GSE1: variants seen among roughly 807,000 people sequenced by gnomAD.
GSE1 encodes the protein genetic suppressor element 1.
A neutral mutation model predicts 112.6 loss-of-function variants in GSE1; 32 were observed. The observed-to-expected ratio is 0.28, with a 90% CI of 0.21 to 0.38. The LOEUF is 0.38. Ranked by LOEUF, GSE1 falls within the 10% of genes least tolerant of loss-of-function variation. The pLI is 1.00. For missense variants in GSE1, 2,348 were observed against 1,699.2 expected, an observed-to-expected ratio of 1.38 and a Z score of -6.71; for synonymous variants, 1,115 against 735.6, an observed-to-expected ratio of 1.52 and a Z score of -8.35.
chr16:85,374,149 G>A (rs2047362924), intron 2 of GSE1, among the ~76,000 whole-genome samples: 1 of 151,956 alleles, frequency 6.6e-6, no homozygotes, highest in South Asian at 2.1e-4. Context: ...GTGCGTGGTT[G>A]CATGTGGCCC....
intron 1 of GSE1, among the ~76,000 whole-genome samples, chr16:85,183,086 C>G (rs965816840): frequency 6.6e-6 from 1 of 152,208 alleles, no homozygotes; most frequent in Non-Finnish European, 1.5e-5. Context: ...CCCACACACT[C>G]ACATGCGTGC....
intron 1 of GSE1, among the ~76,000 whole-genome samples, chr16:85,279,474 A>G (rs557881386): frequency 6.7e-6 from 1 of 148,688 alleles, no homozygotes; most frequent in African/African-American, 2.4e-5. Context: ...AGGCATGGTG[A>G]TGTGTGCCTG....
Position 85,666,113 on chromosome 16 carries a change from C to G in GSE1, c.2896C>G (p.Leu966Val). ...CCAGGAGCTGTCGAGAGTCCAGGAG[C>G]TAGCTCCTGCCAGCGGGGAGAAGGC... is the stretch of plus-strand genomic sequence containing the variant. ...RPQELSRVQELAPASGEKARL... is the reference protein window; with the variant it reads ...RPQELSRVQEVAPASGEKARL... The change falls in exon 13 of 16, where the codon CTA becomes GTA. Residue 966 changes from leucine (L) to valine (V), a missense_variant. Transcript: ENST00000253458. 1 of 1,613,268 alleles carries G rather than the reference C, an allele frequency of 6.2e-7. No individual in the cohort carries two copies. The highest frequency in any genetic ancestry group is 8.5e-7 in the Non-Finnish European group (1 of 1,179,960).
At chr16:85,324,523 A>AG (rs1396291529) in intron 1 of GSE1, among the ~76,000 whole-genome samples, 1 of 152,016 alleles carries the variant, frequency 6.6e-6, no homozygotes, top group African/African-American at 2.4e-5. Context: ...AAAAAAAAAA[A>AG]AAAGAAAAAG....
chr16:85,574,847 G>T (rs1311998106), intron 1 of GSE1, among the ~76,000 whole-genome samples: 2 of 152,208 alleles, frequency 1.3e-5, no homozygotes, highest in South Asian at 4.1e-4. Flanking sequence ...ACCCTTGGGG[G>T]CTCCCTGCTG....
Position 85,654,283 on chromosome 16 carries a change from C to T in GSE1, c.432C>T (p.Ala144=), listed in dbSNP as rs139026945. 2.1e-5 allele frequency: 33 copies of T among 1,595,568 alleles called. No individual in the cohort carries two copies. Among genetic ancestry groups the T allele is most frequent in the African/African-American group, 1.5e-4 (11 of 74,128 alleles). ...TGGACGCTCTCCTCCCGCAGGATGC[C>T]GGCTCCAGGAGCAGCAGTGGAGGTC... The part of the protein sequence containing the change: ...GVWRSESRQD[A]GSRSSSGGRE... The change falls in exon 4 of 16, where the codon GCC becomes GCT. Residue 144 remains alanine, a synonymous_variant. Transcript: ENST00000253458.
chr16:85,262,480 C>T (rs540984998), intron 1 of GSE1, among the ~76,000 whole-genome samples: 5 of 152,322 alleles, frequency 3.3e-5, no homozygotes, highest in South Asian at 2.1e-4. Flanking sequence ...AGCCGCATGC[C>T]GGGACTTCAG....
upstream of GSE1, among the ~76,000 whole-genome samples, chr16:85,607,335 C>T (rs570586246): frequency 7.5e-4 from 114 of 152,340 alleles, no homozygotes; most frequent in Non-Finnish European, 1.3e-3. Context: ...GCAGCCCCGA[C>T]GCACACGGCT....
intron 1 of GSE1, among the ~76,000 whole-genome samples, chr16:85,336,120 G>T (rs2046478173): frequency 1.3e-5 from 2 of 152,224 alleles, no homozygotes; most frequent in Non-Finnish European, 2.9e-5. Flanking sequence ...GGAAGCCTTG[G>T]TGAGGACCCG....
chr16:85,221,595 C>T (rs931920544), intron 1 of GSE1, among the ~76,000 whole-genome samples: 11 of 152,194 alleles, frequency 7.2e-5, no homozygotes, highest in Non-Finnish European at 1.5e-4. Flanking sequence ...GCCCCAACTC[C>T]CCAGCCAGGG....
intron 1 of GSE1, among the ~76,000 whole-genome samples, chr16:85,212,952 A>G (rs2075250225): frequency 6.6e-6 from 1 of 152,060 alleles, no homozygotes; most frequent in African/African-American, 2.4e-5. Context: ...ACATGGCAAG[A>G]CCCCGTCTCT....
Position 85,655,786 on chromosome 16 carries a change from C to CCG in GSE1, c.858_859insCG (p.Gly287ArgfsTer52). ...CCCCGTTCTACCCCATCCCCACCCCCGGCTCCCTGCCCCCACTGCACCCAT... is the reference window on the plus strand; with the variant it reads ...CCCCGTTCTACCCCATCCCCACCCCCCGGGCTCCCTGCCCCCACTGCACCCAT... On this transcript the variant is annotated frameshift_variant, in exon 6 of 16. Transcript: ENST00000253458. LOFTEE classifies it high-confidence loss of function. The CCG allele has an allele frequency of 1.2e-6, 2 of 1,609,616 alleles. No individual in the cohort carries two copies. Among genetic ancestry groups the CCG allele is most frequent in the Non-Finnish European group, 8.5e-7 (1 of 1,177,608 alleles).
chr16:85,303,404 G>A (rs1374020209), intron 1 of GSE1, among the ~76,000 whole-genome samples: 1 of 152,214 alleles, frequency 6.6e-6, no homozygotes, highest in Non-Finnish European at 1.5e-5. Context: ...TTTCCCACCT[G>A]TCGGTCTGAC....
intron 1 of GSE1, among the ~76,000 whole-genome samples, chr16:85,272,252 G>T (rs554870067): frequency 6.6e-6 from 1 of 152,230 alleles, no homozygotes; most frequent in Non-Finnish European, 1.5e-5. Flanking sequence ...GTCTTTGGCC[G>T]TGCTCTGCAA....
At chr16:85,502,932 G>C (rs1022855008) in intron 2 of GSE1, among the ~76,000 whole-genome samples, 1 of 152,204 alleles carries the variant, frequency 6.6e-6, no homozygotes, top group Non-Finnish European at 1.5e-5. Flanking sequence ...GACAGAATGC[G>C]TGGCGGGAGG....
At chr16:85,616,425 C>T (rs1271676379) in intron 1 of GSE1, among the ~76,000 whole-genome samples, 1 of 152,186 alleles carries the variant, frequency 6.6e-6, no homozygotes, top group African/African-American at 2.4e-5. Context: ...TTCCTGGCCC[C>T]ATTTGAAGCC....
At chr16:85,504,081 C>T (rs2051458410) in intron 2 of GSE1, among the ~76,000 whole-genome samples, 2 of 152,228 alleles carry the variant, frequency 1.3e-5, no homozygotes, top group Non-Finnish European at 2.9e-5. Flanking sequence ...ACCTCTCTTC[C>T]AGGCCTGTGT....
At chr16:85,661,821 G>A in intron 9 of GSE1, 56 bp downstream of exon 9, 5 of 1,427,466 alleles carry the variant, frequency 3.5e-6, no homozygotes, top group Non-Finnish European at 4.6e-6. Context: ...GTGGGGATGG[G>A]GAGCCTGCAT....
chr16:85,327,610 C>G (rs887988706), intron 1 of GSE1, among the ~76,000 whole-genome samples: 1 of 152,104 alleles, frequency 6.6e-6, no homozygotes, highest in Non-Finnish European at 1.5e-5. Flanking sequence ...CTCAGAAAAA[C>G]AAAACAAAAC....
Sources: gnomAD v4.1 joint callset for allele counts (sites outside exome capture counted in the v4.1 genomes callset) on GRCh38, gnomAD v4.1.1 for gene constraint, MANE v1.5 for transcripts, NCBI Gene and HGNC (gene_info 2026-07-23, HGNC 2026-07-21) for gene names.